Variants in CSMD2 observed in about 807,000 individuals in gnomAD.
The protein encoded by CSMD2 is CUB and sushi domain-containing protein 2.
CSMD2 carries 130 observed loss-of-function variants against 398.5 expected under a neutral mutation model. The ratio of observed to expected loss-of-function variants is 0.33; its 90% CI spans 0.28 to 0.38. The LOEUF (loss-of-function observed/expected upper bound fraction) is 0.38. Among genes scored for constraint, CSMD2 ranks in the 10% least tolerant of loss-of-function variants. CSMD2 has a pLI of 1.00. For synonymous variants in CSMD2, 1,828 were observed against 1,908.5 expected (o/e 0.96, Z 1.10); for missense variants, 3,829 against 4,764.9 (o/e 0.80, Z 5.78).
intron 5 of CSMD2, among the ~76,000 whole-genome samples, chr1:33,903,223 C>T (rs891494070): frequency 6.6e-6 from 1 of 151,960 alleles, no homozygotes; most frequent in South Asian, 2.1e-4. Context: ...AAGTTTGAGC[C>T]TAATTGATTT....
At chr1:33,838,937 G>A (rs991826205) in intron 6 of CSMD2, 3 of 152,510 alleles carry the variant, frequency 2.0e-5, no homozygotes, top group African/African-American at 7.2e-5. Context: ...ACCAGGAAAG[G>A]TGTGATGTTA....
At chr1:34,019,190 T>C (rs956022597) in intron 3 of CSMD2, among the ~76,000 whole-genome samples, 1 of 152,192 alleles carries the variant, frequency 6.6e-6, no homozygotes, top group African/African-American at 2.4e-5. Context: ...GCCCCAGCAA[T>C]GCTAGCTTTC....
At chr1:33,592,364 G>A (rs1639518028) in intron 44 of CSMD2, 1 of 715,232 alleles carries the variant, frequency 1.4e-6, no homozygotes, top group East Asian at 2.7e-5. Flanking sequence ...AACTTCCCAA[G>A]AGAGAACATC....
At chr1:33,626,299 G>A (rs1206183054) in intron 33 of CSMD2, among the ~76,000 whole-genome samples, 187 bp downstream of exon 33, 1 of 152,208 alleles carries the variant, frequency 6.6e-6, no homozygotes, top group Admixed American at 6.5e-5. Context: ...TCTAAGAAAT[G>A]TCTGCTGAGT....
chr1:33,654,317 CAGAAA>C (rs1643885945), intron 27 of CSMD2, among the ~76,000 whole-genome samples: 1 of 152,174 alleles, frequency 6.6e-6, no homozygotes, highest in Non-Finnish European at 1.5e-5. Flanking sequence ...AAGTGAGTCT[CAGAAA>C]GCCTAAGTAA....
chr1:33,523,630 G>A (rs1359540675), intron 66 of CSMD2, among the ~76,000 whole-genome samples: 37 of 152,164 alleles, frequency 2.4e-4, no homozygotes, highest in Non-Finnish European at 1.6e-4. Context: ...ATTAATATAT[G>A]CATATGTATG....
chr1:33,761,374 A>C (rs146643434), intron 13 of CSMD2, among the ~76,000 whole-genome samples: 1 of 152,180 alleles, frequency 6.6e-6, no homozygotes, highest in Non-Finnish European at 1.5e-5. Flanking sequence ...TTCTTCCTAC[A>C]TGGGCAGATC....
At chr1:33,610,331 C>T (rs1398982836) in intron 41 of CSMD2, among the ~76,000 whole-genome samples, 1 of 151,316 alleles carries the variant, frequency 6.6e-6, no homozygotes, top group African/African-American at 2.4e-5. Flanking sequence ...AGAACAAATG[C>T]TTCGGTCAGT....
chr1:33,552,448 T>C (rs756776765), intron 55 of CSMD2, among the ~76,000 whole-genome samples: 2 of 152,218 alleles, frequency 1.3e-5, no homozygotes, highest in Non-Finnish European at 2.9e-5. Flanking sequence ...CAAAAACTTA[T>C]ACACAAATGT....
intron 3 of CSMD2, among the ~76,000 whole-genome samples, chr1:34,004,318 A>G (rs1489685599): frequency 2.6e-5 from 4 of 152,208 alleles, no homozygotes; most frequent in Admixed American, 2.6e-4. Flanking sequence ...AAGCCAATAG[A>G]TTCCCTTTCG....
chr1:33,707,683 A>ATGCG (rs546434224), intron 22 of CSMD2, among the ~76,000 whole-genome samples: 996 of 72,164 alleles, frequency 0.014, 10 homozygotes, highest in Middle Eastern at 0.043. Context: ...ACGCGTGCAC[A>ATGCG]CGCGCGCGCG....
rs562609637 is a variant in CSMD2, at chr1:33,533,688, G to T, written c.9991+108C>A. The T allele has an allele frequency of 2.8e-6, 2 of 707,680 alleles. No individual in the cohort carries two copies. Among genetic ancestry groups the T allele is most frequent in the Non-Finnish European group, 2.5e-6 (1 of 398,172 alleles). 43.8% of individuals were successfully genotyped at this position (707,680 alleles called of 1,614,324 possible). A position where few individuals can be genotyped will look rare whatever the true frequency, so the allele number is the denominator to read the frequency against. The stretch of plus-strand genomic sequence containing the variant: ...ACTACAAAGAGACCGATGTCGGTTC[G>T]CATGGGGAGTTGTGAACTCCCTGTC... On this transcript the variant is annotated intron_variant, in intron 63 of 70. Transcript: ENST00000373381. This position sits in a 1 kb window ranked among gnomAD's most constrained non-coding sequence, Gnocchi z 4.2.
intron 3 of CSMD2, among the ~76,000 whole-genome samples, chr1:33,984,158 C>A (rs367905165): frequency 1.8e-4 from 18 of 97,846 alleles, no homozygotes; most frequent in South Asian, 1.4e-3. Context: ...TGTCTCCCCC[C>A]ACCAAAAAAA....
chr1:33,726,345 T>C (rs1646529311), intron 16 of CSMD2, among the ~76,000 whole-genome samples: 1 of 152,178 alleles, frequency 6.6e-6, no homozygotes, highest in Admixed American at 6.5e-5. Context: ...CCTCCTGCCA[T>C]AGTCCCCTAA....
chr1:33,526,800 G>C (rs1654815748), intron 65 of CSMD2, among the ~76,000 whole-genome samples: 1 of 152,236 alleles, frequency 6.6e-6, no homozygotes, highest in South Asian at 2.1e-4. Context: ...TCTGTGTCCA[G>C]TTCTGGATGT....
intron 1 of CSMD2, among the ~76,000 whole-genome samples, chr1:34,127,550 G>A (rs1252478191): frequency 1.3e-5 from 2 of 152,154 alleles, no homozygotes; most frequent in Non-Finnish European, 2.9e-5. Context: ...GGAGGAGGAT[G>A]TGGAAGTCCA....
chr1:33,684,519 T>A (rs1246815581), intron 25 of CSMD2, among the ~76,000 whole-genome samples: 2 of 152,104 alleles, frequency 1.3e-5, no homozygotes, highest in Admixed American at 1.3e-4. Flanking sequence ...CATTTGCGCA[T>A]AAGAAATGAC....
chr1:33,738,413 G>A (rs1646949889), intron 15 of CSMD2, among the ~76,000 whole-genome samples: 1 of 152,094 alleles, frequency 6.6e-6, no homozygotes, highest in African/African-American at 2.4e-5. Flanking sequence ...AATTTGCCTG[G>A]TGCACAAATG....
chr1:33,633,556 G>C lies in CSMD2; in HGVS notation c.5087-21C>G, dbSNP rs373716122. The C allele has an allele frequency of 4.6e-5, 71 of 1,527,854 alleles. No homozygotes were observed. In the African/African-American group the frequency reaches 7.6e-4, roughly 16 times the overall value. 94.6% of individuals were successfully genotyped at this position (1,527,854 alleles called of 1,614,324 possible). ...CACCACTGTGGAGGAGACACAGTGT[G>C]GGGACTGGGCAGGCACGCTGGGGGC... On this transcript the variant is annotated intron_variant, in intron 31 of 70. Coordinates refer to ENST00000373381, the MANE Select transcript of CSMD2 (RefSeq NM_001281956.2). The surrounding 1 kb of genome is among the most constrained non-coding windows in gnomAD (Gnocchi z 5.0).
Sources: gnomAD v4.1 joint callset for allele counts (sites outside exome capture counted in the v4.1 genomes callset) on GRCh38, gnomAD v4.1.1 for gene constraint, Gnocchi (gnomAD v3.1) non-coding constraint, MANE v1.5 for transcripts, NCBI Gene and HGNC (gene_info 2026-07-23, HGNC 2026-07-21) for gene names.